Variants in GOSR1 observed in about 807,000 individuals in gnomAD.
GOSR1 encodes the protein golgi SNAP receptor complex member 1.
Under a neutral mutation model 35.5 loss-of-function variants are expected in GOSR1, and 21 were observed. The ratio of observed to expected loss-of-function variants is 0.59; its 90% CI spans 0.42 to 0.85. GOSR1 has a LOEUF of 0.85. Ranked by LOEUF, GOSR1 falls within the 40% of genes least tolerant of loss-of-function variation. GOSR1 has a pLI of 0.00. For missense variants in GOSR1, 285 were observed against 309.6 expected (o/e 0.92, Z 0.60); for synonymous variants, 94 against 106.6 (o/e 0.88, Z 0.73).
At chr17:30,484,856 A>G (rs1258402249) in intron 4 of GOSR1, 86 bp downstream of exon 4, 1 of 762,086 alleles carries the variant, frequency 1.3e-6, no homozygotes, top group Non-Finnish European at 2.4e-6. Flanking sequence ...ATGTGCACAT[A>G]TATTTAAAAG....
intron 6 of GOSR1, among the ~76,000 whole-genome samples, chr17:30,508,044 C>T (rs1967471428): frequency 6.6e-6 from 1 of 152,172 alleles, no homozygotes; most frequent in Non-Finnish European, 1.5e-5. Context: ...AGAAATCTCT[C>T]AAGGCCCCAG....
chr17:30,478,985 A>G (rs930602961), intron 1 of GOSR1: 2 of 152,244 alleles, frequency 1.3e-5, no homozygotes, highest in Non-Finnish European at 2.9e-5. Context: ...ACTCTGTGCC[A>G]GCTGCTGTAA....
chr17:30,526,094 A>T lies in GOSR1; in HGVS notation c.*3716A>T, dbSNP rs752935107. 1 of 152,194 alleles carries T rather than the reference A, an allele frequency of 6.6e-6. No homozygotes were observed. Among genetic ancestry groups the T allele is most frequent in the African/African-American group, 2.4e-5 (1 of 41,456 alleles). 9.4% of individuals were successfully genotyped at this position (152,194 alleles called of 1,614,324 possible). ...TCCATGTCATTTAACTTTTTTGTTT[A>T]ACCACCTTGGCTTTCTCTCCTTTTT... On this transcript the variant is annotated 3_prime_UTR_variant, in exon 9 of 9. Coordinates refer to ENST00000451249, the MANE Select transcript of GOSR1 (RefSeq NM_001007025.2).
chr17:30,503,676 G>A (rs1967295617), intron 6 of GOSR1, among the ~76,000 whole-genome samples: 1 of 152,232 alleles, frequency 6.6e-6, no homozygotes, highest in East Asian at 1.9e-4. Context: ...AATTTGAGAA[G>A]ACATTTAGGA....
intron 6 of GOSR1, 35 bp downstream of exon 6, chr17:30,492,788 C>T: frequency 8.2e-7 from 1 of 1,212,372 alleles, no homozygotes; most frequent in Admixed American, 1.7e-5. Context: ...ATGTGGTTTT[C>T]CACGTTTATT....
chr17:30,524,424 CACTG>C lies in GOSR1; in HGVS notation c.*2047_*2050del, dbSNP rs1567923004. The stretch of plus-strand genomic sequence containing the variant: ...GTTTGAGGTTGTCTGAAATGGAGAT[CACTG>C]TAAAACTGTCTTTTTCTTTTAAATT... On this transcript the variant is annotated 3_prime_UTR_variant, in exon 9 of 9. Coordinates refer to ENST00000451249, the MANE Select transcript of GOSR1 (RefSeq NM_001007025.2). 2.6e-5 allele frequency: 4 copies of C among 152,116 alleles called. No homozygotes were observed. The highest frequency in any genetic ancestry group is 9.7e-5 in the African/African-American group (4 of 41,402). 9.4% of individuals were successfully genotyped at this position (152,116 alleles called of 1,614,324 possible). A position where few individuals can be genotyped will look rare whatever the true frequency, so the allele number is the denominator to read the frequency against.
chr17:30,487,616 T>C (rs1331164569), intron 4 of GOSR1, among the ~76,000 whole-genome samples: 1 of 152,234 alleles, frequency 6.6e-6, no homozygotes, highest in Non-Finnish European at 1.5e-5. Flanking sequence ...TTAGCAAATG[T>C]TGAAACATTT....
chr17:30,501,465 A>G (rs1264101875), intron 6 of GOSR1, among the ~76,000 whole-genome samples: 2 of 151,824 alleles, frequency 1.3e-5, no homozygotes, highest in Non-Finnish European at 2.9e-5. Flanking sequence ...GTACAGCGAC[A>G]TTGGAAGACA....
intron 6 of GOSR1, among the ~76,000 whole-genome samples, chr17:30,506,637 T>C (rs1470823851): frequency 6.6e-6 from 1 of 152,114 alleles, no homozygotes; most frequent in African/African-American, 2.4e-5. Flanking sequence ...ACCCAGAAGA[T>C]CTAGCTAAGA....
At chr17:30,489,376 CTT>C (rs1914880128) in intron 4 of GOSR1, among the ~76,000 whole-genome samples, 1 of 151,812 alleles carries the variant, frequency 6.6e-6, no homozygotes, top group Admixed American at 6.6e-5. Context: ...GAGCAAGACT[CTT>C]GTCTCCAAAA....
intron 4 of GOSR1, among the ~76,000 whole-genome samples, chr17:30,488,681 G>T (rs1201337706): frequency 1.3e-5 from 2 of 151,910 alleles, no homozygotes; most frequent in Non-Finnish European, 2.9e-5. Flanking sequence ...TGGGACTACA[G>T]GTGCGTTCCA....
Position 30,524,534 on chromosome 17 carries a change from C to T in GOSR1, c.*2156C>T, listed in dbSNP as rs1018608913. ...ATATTTAAGGCACCAGTCATTGTTT[C>T]CATTTTTTTTTTAATTCTTCCCTTG... On this transcript the variant is annotated 3_prime_UTR_variant, in exon 9 of 9. Transcript: ENST00000451249. 2 of 107,404 alleles carry T rather than the reference C, an allele frequency of 1.9e-5. No individual in the cohort carries two copies. The highest frequency in any genetic ancestry group is 7.0e-5 in the African/African-American group (2 of 28,710). 6.7% of individuals were successfully genotyped at this position (107,404 alleles called of 1,614,324 possible). A position where few individuals can be genotyped will look rare whatever the true frequency, so the allele number is the denominator to read the frequency against.
chr17:30,521,604 C>CA (rs1156385443), intron 8 of GOSR1, among the ~76,000 whole-genome samples: 2 of 148,196 alleles, frequency 1.3e-5, no homozygotes, highest in Admixed American at 6.7e-5. Context: ...AAAAAAAAAT[C>CA]AAAAAAAATG....
Position 30,522,443 on chromosome 17 carries a change from T to C in GOSR1, c.*65T>C. On this transcript the variant is annotated 3_prime_UTR_variant, in exon 9 of 9. Transcript: ENST00000451249. Reference sequence around the variant, plus strand: ...CACCCTGGTCTGGAATAAGGAAACATCGGAGGGAGAAGTTGACTGTCTTGA... The same window carrying C: ...CACCCTGGTCTGGAATAAGGAAACACCGGAGGGAGAAGTTGACTGTCTTGA... 1 of 1,357,796 alleles carries C rather than the reference T, an allele frequency of 7.4e-7. No individual in the cohort carries two copies. Among genetic ancestry groups the C allele is most frequent in the Non-Finnish European group, 9.9e-7 (1 of 1,005,348 alleles). The allele number at this position is 1,357,796 out of a possible 1,614,324, so 84.1% of individuals were successfully genotyped here.
chr17:30,477,897 A>G, intron 1 of GOSR1: 1 of 985,040 alleles, frequency 1.0e-6, no homozygotes, highest in East Asian at 1.1e-4. Context: ...ACTGAGTGGG[A>G]AAAGAGAAGG....
intron 6 of GOSR1, among the ~76,000 whole-genome samples, chr17:30,495,785 C>G (rs1369434684): frequency 6.6e-6 from 1 of 152,248 alleles, no homozygotes; most frequent in African/African-American, 2.4e-5. Context: ...CTGCTGTACC[C>G]TGGCAAAATG....
chr17:30,484,229 C>T lies in GOSR1; in HGVS notation c.162C>T (p.Pro54=), dbSNP rs778679608. Residue 54 remains proline (P), a synonymous_variant, in exon 3 of 9, where the codon CCC becomes CCT. Coordinates refer to ENST00000451249, the MANE Select transcript of GOSR1 (RefSeq NM_001007025.2). The stretch of plus-strand genomic sequence containing the variant: ...TTCTTTTTAGTTCTGATACAACACC[C>T]CTTTTAAATGGATCAAGCCAAGACA... ...DGRRDSSDTT[P]LLNGSSQDRM... 1.9e-6 allele frequency: 3 copies of T among 1,598,822 alleles called. No homozygotes were observed. Among genetic ancestry groups the T allele is most frequent in the Non-Finnish European group, 2.6e-6 (3 of 1,166,208 alleles).
At chr17:30,490,476 G>C (rs17180371) in intron 5 of GOSR1, 7,752 of 285,728 alleles carry the variant, frequency 0.027, 155 homozygotes, top group Non-Finnish European at 0.041. Flanking sequence ...GTCCAGCTTA[G>C]GTGGTTCTTC....
intron 4 of GOSR1, among the ~76,000 whole-genome samples, chr17:30,488,092 T>A (rs1233238974): frequency 2.4e-5 from 3 of 127,080 alleles, no homozygotes; most frequent in African/African-American, 9.3e-5. Flanking sequence ...ATTATTCTAT[T>A]GCTAGTCATT....
Sources: allele counts gnomAD v4.1 joint callset (sites outside exome capture counted in the v4.1 genomes callset), GRCh38; gene constraint gnomAD v4.1.1; transcripts MANE v1.5; gene names NCBI Gene and HGNC (gene_info 2026-07-23, HGNC 2026-07-21).